ANKRD6: variants seen among roughly 807,000 people sequenced by gnomAD.
ANKRD6 encodes ankyrin repeat domain 6, also known as ankyrin repeat domain-containing protein 6.
A neutral mutation model predicts 82.3 loss-of-function variants in ANKRD6; 56 were observed. The ratio of observed to expected loss-of-function variants is 0.68; its 90% CI spans 0.55 to 0.85. The LOEUF (loss-of-function observed/expected upper bound fraction) is 0.85. ANKRD6 is among the 40% of genes least tolerant of loss of function. ANKRD6 has a pLI of 0.00. For missense variants in ANKRD6, 852 were observed against 907.6 expected (o/e 0.94, Z 0.79); for synonymous variants, 347 against 352.1 (o/e 0.99, Z 0.16).
chr6:89,628,478 C>A, intron 14 of ANKRD6: 1 of 157,994 alleles, frequency 6.3e-6, no homozygotes. Context: ...CCTTCAAAAA[C>A]TAATAGAGCG....
At chr6:89,469,069 G>A (rs73752762) in intron 1 of ANKRD6, among the ~76,000 whole-genome samples, 2,486 of 152,260 alleles carry the variant, frequency 0.016, 71 homozygotes, top group African/African-American at 0.056. Flanking sequence ...CAGCTCAAAA[G>A]TAAATTGCAG....
intron 1 of ANKRD6, among the ~76,000 whole-genome samples, chr6:89,493,816 G>A (rs116979022): frequency 1.3e-5 from 2 of 152,046 alleles, no homozygotes; most frequent in African/African-American, 2.4e-5. Flanking sequence ...ACCACATTTC[G>A]GGGGGTTATA....
At chr6:89,491,259 A>C (rs1388910144) in intron 1 of ANKRD6, among the ~76,000 whole-genome samples, 1 of 152,228 alleles carries the variant, frequency 6.6e-6, no homozygotes, top group South Asian at 2.1e-4. Flanking sequence ...CTGGATTTTC[A>C]TAGGCCGAAA....
intron 11 of ANKRD6, 129 bp from the exon 12 acceptor site, chr6:89,623,743 G>C (rs1409284356): frequency 1.6e-6 from 2 of 1,253,742 alleles, no homozygotes; most frequent in African/African-American, 1.5e-5. Context: ...GTGTGGCTTG[G>C]AGTAGGACAC....
chr6:89,573,943 C>T (rs901469038), intron 2 of ANKRD6, among the ~76,000 whole-genome samples: 2 of 152,188 alleles, frequency 1.3e-5, no homozygotes, highest in African/African-American at 4.8e-5. Context: ...ATTTGCTCTC[C>T]TCCCAATTGA....
In ANKRD6 at chr6:89,448,671, C is replaced by T. The variant is rs548291354; in HGVS notation, c.-144+15296C>T. Among the ~76,000 whole-genome samples, 33 of 152,218 alleles carry T rather than the reference C, an allele frequency of 2.2e-4. No homozygotes were observed. In the East Asian group the frequency reaches 5.8e-3, roughly 27 times the overall value. On this transcript the variant is annotated intron_variant, in intron 1 of 15. Coordinates refer to ENST00000339746, the MANE Select transcript of ANKRD6 (RefSeq NM_001242809.2). The stretch of plus-strand genomic sequence containing the variant: ...TACAAGGAGATTAATATTTTCATGC[C>T]TACTAAACACAACATCCATTCTTCA...
intron 1 of ANKRD6, among the ~76,000 whole-genome samples, chr6:89,497,018 T>G (rs1778707977): frequency 6.6e-6 from 1 of 152,198 alleles, no homozygotes; most frequent in Non-Finnish European, 1.5e-5. Context: ...GTTTATAGCT[T>G]CTTCTTTTCT....
chr6:89,625,108 C>T (rs1416023432), intron 13 of ANKRD6, among the ~76,000 whole-genome samples: 2 of 152,120 alleles, frequency 1.3e-5, no homozygotes, highest in East Asian at 3.9e-4. Flanking sequence ...CATGGTGAAA[C>T]CCCGCCTCTT....
At chr6:89,569,847 A>G (rs1166642975) in intron 2 of ANKRD6, among the ~76,000 whole-genome samples, 1 of 152,216 alleles carries the variant, frequency 6.6e-6, no homozygotes, top group East Asian at 1.9e-4. Context: ...AAATACTGCT[A>G]AAGGTTTTTA....
At chr6:89,436,401 A>G (rs1770643005) in intron 1 of ANKRD6, among the ~76,000 whole-genome samples, 2 of 152,236 alleles carry the variant, frequency 1.3e-5, no homozygotes, top group African/African-American at 4.8e-5. Context: ...CCTCCAGTTA[A>G]TAGGTTCAGC....
At chr6:89,510,597 T>C (rs190931550) in intron 1 of ANKRD6, among the ~76,000 whole-genome samples, 4 of 152,260 alleles carry the variant, frequency 2.6e-5, no homozygotes, top group Admixed American at 2.6e-4. Flanking sequence ...TTTTGGTATA[T>C]TCATAGAGTT....
chr6:89,603,130 G>T lies in ANKRD6; in HGVS notation c.318+3G>T. On this transcript the variant is annotated splice_donor_region_variant and intron_variant, in intron 4 of 15. Transcript: ENST00000339746. ...GTGCCCTGGACAGACAAGACAAGGT[G>T]AGTGGACACTGAGCTTCCTTACTCC... 1 of 1,597,522 alleles carries T rather than the reference G, an allele frequency of 6.3e-7. No individual in the cohort carries two copies. The highest frequency in any genetic ancestry group is 8.5e-7 in the Non-Finnish European group (1 of 1,172,582).
intron 6 of ANKRD6, 91 bp downstream of exon 6, chr6:89,612,461 G>A: frequency 7.8e-7 from 1 of 1,280,296 alleles, no homozygotes; most frequent in Non-Finnish European, 1.1e-6. Context: ...TTAACATCTA[G>A]AAATTAAAAT....
intron 12 of ANKRD6, 66 bp downstream of exon 12, chr6:89,624,123 A>G (rs1187230511): frequency 1.0e-5 from 15 of 1,491,120 alleles, no homozygotes; most frequent in Non-Finnish European, 1.3e-5. Flanking sequence ...GTTTAACGGC[A>G]TTCCTGGGGG....
intron 1 of ANKRD6, among the ~76,000 whole-genome samples, chr6:89,480,941 C>A (rs866948318): frequency 8.2e-3 from 761 of 92,874 alleles, no homozygotes; most frequent in South Asian, 0.011. Flanking sequence ...GACCCTGTCT[C>A]AAAAAAAAAA....
chr6:89,549,736 A>C (rs1328460818), intron 1 of ANKRD6, among the ~76,000 whole-genome samples: 1 of 152,160 alleles, frequency 6.6e-6, no homozygotes, highest in East Asian at 1.9e-4. Flanking sequence ...ACAGAAGCCC[A>C]GTGCCCTGCA....
At chr6:89,541,056 A>C (rs1473265500) in intron 1 of ANKRD6, among the ~76,000 whole-genome samples, 4 of 152,052 alleles carry the variant, frequency 2.6e-5, no homozygotes, top group African/African-American at 9.7e-5. Flanking sequence ...AAGTCAGGTA[A>C]TGTGATTCCT....
At chr6:89,467,646 A>C (rs1331600760) in intron 1 of ANKRD6, among the ~76,000 whole-genome samples, 2 of 152,220 alleles carry the variant, frequency 1.3e-5, no homozygotes, top group Non-Finnish European at 2.9e-5. Context: ...TTAGTATCAC[A>C]GTGCTTTCTA....
chr6:89,504,403 G>A (rs932896504), intron 1 of ANKRD6, among the ~76,000 whole-genome samples: 3 of 137,604 alleles, frequency 2.2e-5, no homozygotes, highest in South Asian at 2.8e-4. Flanking sequence ...TCTCGCTCTC[G>A]CTCGCGCTCT....
Sources: gnomAD v4.1 joint callset for allele counts (sites outside exome capture counted in the v4.1 genomes callset) on GRCh38, gnomAD v4.1.1 for gene constraint, MANE v1.5 for transcripts, NCBI Gene and HGNC (gene_info 2026-07-23, HGNC 2026-07-21) for gene names.